Variants in CSMD1 observed in about 807,000 individuals in gnomAD.
The protein encoded by CSMD1 is CUB and sushi domain-containing protein 1.
A neutral mutation model predicts 417.5 loss-of-function variants in CSMD1; 213 were observed. The ratio of observed to expected loss-of-function variants is 0.51; its 90% CI spans 0.46 to 0.57. CSMD1 has a LOEUF of 0.57. CSMD1 is among the 20% of genes least tolerant of loss of function. The pLI is 0.00. For missense variants in CSMD1, 6,923 were observed against 4,529.7 expected (o/e 1.53, Z -15.17); for synonymous variants, 2,862 against 1,736.8 (o/e 1.65, Z -16.11).
rs1585257367 is a variant in CSMD1, at chr8:3,063,645, A to G, written c.7475-10998T>C. 2.0e-5 allele frequency among the ~76,000 whole-genome samples: 3 copies of G among 152,330 alleles called. 1 individual carries two copies. The highest frequency in any genetic ancestry group is 2.0e-4 in the Admixed American group (3 of 15,302). ...CTCTACACACAGTGGGTTATTACTCAGTCTTAAAAAGGAAGGGAATTCTGA... is the reference window on the plus strand; with the variant it reads ...CTCTACACACAGTGGGTTATTACTCGGTCTTAAAAAGGAAGGGAATTCTGA... On this transcript the variant is annotated intron_variant, in intron 49 of 69. Coordinates refer to ENST00000635120, the MANE Select transcript of CSMD1 (RefSeq NM_033225.6).
chr8:4,408,740 A>T (rs957455982), intron 3 of CSMD1, among the ~76,000 whole-genome samples: 1 of 152,222 alleles, frequency 6.6e-6, no homozygotes, highest in African/African-American at 2.4e-5. Flanking sequence ...AGAGGTCAAC[A>T]GAGTATCTAT....
chr8:3,439,298 TA>T (rs1563390433), intron 12 of CSMD1, among the ~76,000 whole-genome samples: 2,657 of 59,746 alleles, frequency 0.044, 100 homozygotes, highest in East Asian at 0.055. Context: ...TATATATATA[TA>T]TATATATATA....
intron 3 of CSMD1, among the ~76,000 whole-genome samples, chr8:4,159,472 T>C (rs1797023353): frequency 6.6e-6 from 1 of 152,210 alleles, no homozygotes; most frequent in Non-Finnish European, 1.5e-5. Flanking sequence ...TGTAAAAATG[T>C]ATCCATCAAT....
intron 2 of CSMD1, among the ~76,000 whole-genome samples, chr8:4,540,617 A>C (rs1563269901): frequency 6.6e-6 from 1 of 152,166 alleles, no homozygotes; most frequent in South Asian, 2.1e-4. Context: ...AGTGAAAATA[A>C]ACCTTGAGAG....
rs936720887 is a variant in CSMD1, at chr8:4,024,032, T to G, written c.610+7873A>C. On this transcript the variant is annotated intron_variant, in intron 4 of 69. Transcript: ENST00000635120. The stretch of plus-strand genomic sequence containing the variant: ...GACACTGCAAAGGTTCTATTGCAAT[T>G]GAGAGAACATAGAGGCCAAAACAGG... 2.6e-5 allele frequency among the ~76,000 whole-genome samples: 4 copies of G among 152,142 alleles called. No individual in the cohort carries two copies. The South Asian group carries it at 6.2e-4, about 24-fold the overall frequency.
chr8:4,053,368 T>C (rs1408720641), intron 3 of CSMD1, among the ~76,000 whole-genome samples: 1 of 151,978 alleles, frequency 6.6e-6, no homozygotes, highest in Admixed American at 6.6e-5. Context: ...CTAAATTCTC[T>C]ACAGACAGTG....
chr8:3,722,369 G>A (rs1802232629), intron 6 of CSMD1, among the ~76,000 whole-genome samples: 1 of 152,036 alleles, frequency 6.6e-6, no homozygotes, highest in Admixed American at 6.6e-5. Flanking sequence ...CGAAGTTGAG[G>A]GTCACTTTAG....
intron 5 of CSMD1, among the ~76,000 whole-genome samples, chr8:3,762,348 G>T (rs1009455834): frequency 8.5e-5 from 13 of 152,048 alleles, no homozygotes; most frequent in African/African-American, 2.9e-4. Flanking sequence ...ATCATGTGTT[G>T]CAGTCTCAGG....
chr8:4,914,106 T>C (rs1007357792), intron 1 of CSMD1, among the ~76,000 whole-genome samples: 2 of 152,102 alleles, frequency 1.3e-5, no homozygotes, highest in African/African-American at 2.4e-5. Context: ...TTATGGATGA[T>C]TGATTTGTGT....
intron 1 of CSMD1, among the ~76,000 whole-genome samples, chr8:4,696,007 G>A (rs1807104504): frequency 6.6e-6 from 1 of 152,176 alleles, no homozygotes; most frequent in Non-Finnish European, 1.5e-5. Context: ...CTGGCTTACT[G>A]CACATTAGTC....
intron 3 of CSMD1, among the ~76,000 whole-genome samples, chr8:4,124,711 G>A (rs1346762834): frequency 1.3e-5 from 2 of 152,188 alleles, no homozygotes; most frequent in African/African-American, 2.4e-5. Flanking sequence ...CCCTAAGGGG[G>A]CTTTTCCCTA....
intron 2 of CSMD1, among the ~76,000 whole-genome samples, chr8:4,446,747 G>GTC (rs1451126407): frequency 1.0e-5 from 1 of 98,762 alleles, no homozygotes; most frequent in Non-Finnish European, 1.9e-5. Context: ...GTGTGTGTGT[G>GTC]TGTGTGTCTG....
At chr8:4,510,497 A>G (rs191994676) in intron 2 of CSMD1, among the ~76,000 whole-genome samples, 20 of 150,644 alleles carry the variant, frequency 1.3e-4, no homozygotes, top group African/African-American at 4.4e-4. Flanking sequence ...TACCTCAGAT[A>G]ATAATTAGCT....
chr8:4,441,172 C>CA (rs1798455703), intron 2 of CSMD1, among the ~76,000 whole-genome samples: 1 of 118,712 alleles, frequency 8.4e-6, no homozygotes, highest in Non-Finnish European at 1.6e-5. Context: ...AACCTTGGTT[C>CA]ACTGCAGTCT....
chr8:3,560,380 AG>A (rs1799418661), intron 10 of CSMD1, among the ~76,000 whole-genome samples: 2 of 152,160 alleles, frequency 1.3e-5, no homozygotes, highest in South Asian at 4.1e-4. Context: ...GAGGACATTG[AG>A]AGTCAAGAAT....
intron 12 of CSMD1, among the ~76,000 whole-genome samples, chr8:3,437,267 C>A (rs1213631089): frequency 6.6e-6 from 1 of 152,192 alleles, no homozygotes; most frequent in Non-Finnish European, 1.5e-5. Context: ...CTGAAGACAA[C>A]ACAGGCATCC....
chr8:3,995,679 G>C (rs1218271192), intron 5 of CSMD1, among the ~76,000 whole-genome samples: 3 of 152,232 alleles, frequency 2.0e-5, no homozygotes, highest in African/African-American at 7.2e-5. Context: ...ATAATAAAGA[G>C]ACAATAGTAG....
At chr8:4,681,351 A>C (rs1049933618) in intron 1 of CSMD1, among the ~76,000 whole-genome samples, 1 of 152,182 alleles carries the variant, frequency 6.6e-6, no homozygotes, top group Non-Finnish European at 1.5e-5. Flanking sequence ...GAAACCACCA[A>C]TATGGTTTGC....
At chr8:3,898,522 T>C (rs1431345563) in intron 5 of CSMD1, among the ~76,000 whole-genome samples, 1 of 152,216 alleles carries the variant, frequency 6.6e-6, no homozygotes, top group African/African-American at 2.4e-5. Context: ...TGAGAGTCTG[T>C]CATATCTTTG....
Sources: gnomAD v4.1 joint callset for allele counts (sites outside exome capture counted in the v4.1 genomes callset) on GRCh38, gnomAD v4.1.1 for gene constraint, MANE v1.5 for transcripts, NCBI Gene and HGNC (gene_info 2026-07-23, HGNC 2026-07-21) for gene names.